Variants in RAPGEFL1 observed in about 807,000 individuals in gnomAD.
RAPGEFL1 encodes rap guanine nucleotide exchange factor-like 1.
In RAPGEFL1, 31 loss-of-function variants were observed where a neutral mutation model predicts 64.4. That is an observed-to-expected ratio of 0.48 (90% CI 0.36 to 0.65). The LOEUF (loss-of-function observed/expected upper bound fraction) is 0.65. RAPGEFL1 is among the 30% of genes least tolerant of loss of function. The probability of loss-of-function intolerance (pLI) is 0.00; values close to 1 mark genes in which losing one functional copy is unlikely to be tolerated. For missense variants in RAPGEFL1, 682 were observed against 677.4 expected (o/e 1.01, Z -0.08); for synonymous variants, 331 against 274.1 (o/e 1.21, Z -2.05).
At position 40,177,885 on chromosome 17, in the gene RAPGEFL1, G is replaced by A. The variant is rs914747263; in HGVS notation, c.24G>A (p.Leu8=). MKPLEKF[L]KKQTSQLAGR... The stretch of plus-strand genomic sequence containing the variant: ...GCATGAAGCCGCTGGAGAAATTTCT[G>A]AAGAAGCAGACGTCGCAGCTGGCGG... Residue 8 remains leucine (L), a synonymous_variant, in exon 1 of 15, where the codon CTG becomes CTA. Transcript: ENST00000620260. The A allele has an allele frequency of 2.8e-4, 118 of 428,378 alleles. No individual in the cohort carries two copies. The Middle Eastern group carries it at 4.7e-3, about 17-fold the overall frequency. 26.5% of individuals were successfully genotyped at this position (428,378 alleles called of 1,614,324 possible).
Position 40,189,334 on chromosome 17 carries a change from G to T in RAPGEFL1, c.1073G>T (p.Arg358Leu), listed in dbSNP as rs145549366. 3.7e-6 allele frequency: 6 copies of T among 1,614,188 alleles called. No individual in the cohort carries two copies. Among genetic ancestry groups the T allele is most frequent in the Non-Finnish European group, 4.2e-6 (5 of 1,180,034 alleles). Reference sequence around the variant, plus strand: ...CAATATTCAGAGGAGCCCGCGGGGCGTGAGGATTCCCTCATCCTGGTAGCT... The same window carrying T: ...CAATATTCAGAGGAGCCCGCGGGGCTTGAGGATTCCCTCATCCTGGTAGCT... The part of the protein sequence containing the change: ...KLQYSEEPAG[R>L]EDSLILVAVS... Residue 358 changes from arginine (R) to leucine (L), a missense_variant, in exon 6 of 15, where the codon CGT becomes CTT. This residue lies in a region of RAPGEFL1 where 411 missense variants were observed against 519.4 expected (regional missense o/e 0.79). Transcript: ENST00000620260.
chr17:40,177,794 G>GC lies in RAPGEFL1; in HGVS notation c.-60dup, dbSNP rs907449924. On this transcript the variant is annotated 5_prime_UTR_variant, in exon 1 of 15. Transcript: ENST00000620260. Reference sequence around the variant, plus strand: ...CAGCTCTGAGCATCGTGTCTTCGCCGCCCCCCCCGCCCGCGCCTGGGATAC... The same window carrying GC: ...CAGCTCTGAGCATCGTGTCTTCGCCGCCCCCCCCCGCCCGCGCCTGGGATAC... 667 of 407,616 alleles carry GC rather than the reference G, an allele frequency of 1.6e-3. 2 individuals carry two copies. The highest frequency in any genetic ancestry group is 2.7e-3 in the Middle Eastern group (5 of 1,830). 25.2% of individuals were successfully genotyped at this position (407,616 alleles called of 1,614,324 possible).
At chr17:40,188,140 C>G (rs1238345933) in intron 4 of RAPGEFL1, among the ~76,000 whole-genome samples, 1 of 151,954 alleles carries the variant, frequency 6.6e-6, no homozygotes, top group Non-Finnish European at 1.5e-5. Flanking sequence ...GTCTTGAACT[C>G]CTGGCCTCAA....
upstream of RAPGEFL1, chr17:40,177,092 C>A: frequency 1.4e-6 from 1 of 702,540 alleles, no homozygotes; most frequent in South Asian, 1.5e-5. Flanking sequence ...CAGCTCTTCT[C>A]ACAGAAGGAA....
At position 40,193,695 on chromosome 17, in the gene RAPGEFL1, G is replaced by A. The variant is rs760908576; in HGVS notation, c.1896G>A (p.Leu632=). The A allele has an allele frequency of 6.2e-7, 1 of 1,614,054 alleles. No homozygotes were observed. The highest frequency in any genetic ancestry group is 1.3e-5 in the African/African-American group (1 of 74,990). Reference sequence around the variant, plus strand: ...ACATGGAGGCATCCCCCAATCACCTGCAGACCAAGGCCTATGTGCGCCAGT... The same window carrying A: ...ACATGGAGGCATCCCCCAATCACCTACAGACCAAGGCCTATGTGCGCCAGT... ...CLDMEASPNH[L]QTKAYVRQFQ... is the part of the protein sequence containing the mutation. The change falls in exon 15 of 15, where the codon CTG becomes CTA. Residue 632 remains leucine (L), a synonymous_variant. Transcript: ENST00000620260.
In RAPGEFL1 at chr17:40,192,194, C is replaced by A. The variant is rs199578358; in HGVS notation, c.1606-19C>A. 1.9e-6 allele frequency: 3 copies of A among 1,612,058 alleles called. No individual in the cohort carries two copies. Among genetic ancestry groups the A allele is most frequent in the Non-Finnish European group, 2.5e-6 (3 of 1,178,134 alleles). ...GAGCTCCACTCTGATATCCCTTCTC[C>A]TTCCTTCAAACTCTGCAGAAGCTGC... On this transcript the variant is annotated intron_variant, in intron 10 of 14. Transcript: ENST00000620260.
Position 40,191,540 on chromosome 17 carries a change from C to A in RAPGEFL1, c.1515-42C>A, listed in dbSNP as rs369138932. Reference sequence around the variant, plus strand: ...GATGGGGGGCCGGAGGCCGGAGGCCCGCGCCGCCGCCCGCCCCTGACCCCG... The same window carrying A: ...GATGGGGGGCCGGAGGCCGGAGGCCAGCGCCGCCGCCCGCCCCTGACCCCG... On this transcript the variant is annotated intron_variant, in intron 9 of 14. Transcript: ENST00000620260. The surrounding 1 kb of genome is among the most constrained non-coding windows in gnomAD (Gnocchi z 5.1). The A allele has an allele frequency of 9.0e-6, 14 of 1,558,074 alleles. No individual in the cohort carries two copies. In the African/African-American group the frequency reaches 1.8e-4, roughly 20 times the overall value.
At position 40,178,075 on chromosome 17, in the gene RAPGEFL1, C is replaced by CCTTT; in HGVS notation, c.215_216insTTTC (p.Ala73PhefsTer11). ...GCTCCCCGCTTTCCTCCGGGAGCCC[C>CCTTT]CCGCCGAGCCGGGGCTGGAGCCGCC... On this transcript the variant is annotated frameshift_variant, in exon 1 of 15. Coordinates refer to ENST00000620260, the MANE Select transcript of RAPGEFL1 (RefSeq NM_016339.6). LOFTEE classifies it high-confidence loss of function. 1.7e-6 allele frequency: 1 copy of CCTTT among 604,888 alleles called. No homozygotes were observed. Among genetic ancestry groups the CCTTT allele is most frequent in the Non-Finnish European group, 2.9e-6 (1 of 342,062 alleles). The allele number at this position is 604,888 out of a possible 1,614,324, so 37.5% of individuals were successfully genotyped here.
chr17:40,193,906 G>C lies in RAPGEFL1; in HGVS notation c.*118G>C. 7.3e-7 allele frequency: 1 copy of C among 1,376,826 alleles called. No individual in the cohort carries two copies. The highest frequency in any genetic ancestry group is 9.8e-7 in the Non-Finnish European group (1 of 1,016,194). 85.3% of individuals were successfully genotyped at this position (1,376,826 alleles called of 1,614,324 possible). ...CGTGGAGCAACTTCCTGCTCCACGG[G>C]AAAGAGGTCGATGGATTTACCCCTG... On this transcript the variant is annotated 3_prime_UTR_variant, in exon 15 of 15. Transcript: ENST00000620260.
rs781532097 is a variant in RAPGEFL1, at chr17:40,190,475, G to T, written c.1156G>T (p.Ala386Ser). The stretch of plus-strand genomic sequence containing the variant: ...GCCCACTGAGGACTGTGTTTTCACC[G>T]CACTGGGCATCAACAGCCACCTGTT... Reference protein sequence around the residue: ...LQPTEDCVFTALGINSHLFAC... With the variant: ...LQPTEDCVFTSLGINSHLFAC... Residue 386 changes from alanine to serine, a missense_variant, in exon 7 of 15, where the codon GCA becomes TCA. By Grantham distance (99) the Ala-to-Ser change is moderately conservative. Coordinates refer to ENST00000620260, the MANE Select transcript of RAPGEFL1 (RefSeq NM_016339.6). 20 of 1,614,120 alleles carry T rather than the reference G, an allele frequency of 1.2e-5. No individual in the cohort carries two copies. Among genetic ancestry groups the T allele is most frequent in the East Asian group, 2.2e-5 (1 of 44,876 alleles).
chr17:40,177,433 G>A, upstream of RAPGEFL1: 1 of 663,632 alleles, frequency 1.5e-6, no homozygotes, highest in Non-Finnish European at 2.7e-6. Flanking sequence ...GGGACTGGGC[G>A]GGGACTGGAG....
intron 1 of RAPGEFL1, among the ~76,000 whole-genome samples, chr17:40,178,780 C>T (rs1989804726): frequency 6.6e-6 from 1 of 152,236 alleles, no homozygotes; most frequent in Non-Finnish European, 1.5e-5. Flanking sequence ...TGCTTTAGCC[C>T]TGAAAACCCT....
upstream of RAPGEFL1, chr17:40,177,412 G>A: frequency 2.9e-6 from 2 of 690,504 alleles, no homozygotes; most frequent in East Asian, 2.7e-5. Flanking sequence ...AGCCGAGGAA[G>A]GGTAGGGGCG....
At chr17:40,181,505 A>G in intron 1 of RAPGEFL1, 111 bp from the exon 2 acceptor site, 2 of 669,000 alleles carry the variant, frequency 3.0e-6, no homozygotes, top group Non-Finnish European at 5.5e-6. Context: ...CTGGGGCTCC[A>G]GCCTGGCTAA....
intron 14 of RAPGEFL1, 123 bp downstream of exon 14, chr17:40,193,540 G>A (rs1314108137): frequency 2.5e-6 from 4 of 1,578,510 alleles, no homozygotes; most frequent in Non-Finnish European, 3.5e-6. Flanking sequence ...TTCTCTCCTT[G>A]CCTCTGCAGA....
Position 40,186,294 on chromosome 17 carries a change from C to T in RAPGEFL1, c.833+1616C>T, listed in dbSNP as rs1190976596. Among the ~76,000 whole-genome samples, 17 of 140,058 alleles carry T rather than the reference C, an allele frequency of 1.2e-4. 1 individual carries two copies. The East Asian group carries it at 2.1e-3, about 17-fold the overall frequency. The allele number at this position is 140,058 out of a possible 152,430, so 91.9% of individuals were successfully genotyped here. ...TCTCAAAAAAAAAAAAAAGGCCGGG[C>T]GCGGTGGCTCACGCCTGTAATCCCA... On this transcript the variant is annotated intron_variant, in intron 4 of 14. Coordinates refer to ENST00000620260, the MANE Select transcript of RAPGEFL1 (RefSeq NM_016339.6).
intron 1 of RAPGEFL1, 162 bp from the exon 2 acceptor site, chr17:40,181,454 A>C (rs1989891921): frequency 6.1e-6 from 4 of 656,106 alleles, no homozygotes; most frequent in Non-Finnish European, 1.1e-5. Flanking sequence ...ACCTTTACAC[A>C]TGTATGTGTG....
upstream of RAPGEFL1, chr17:40,177,039 C>T (rs1379262434): frequency 5.7e-6 from 4 of 701,488 alleles, no homozygotes; most frequent in South Asian, 4.4e-5. Flanking sequence ...GACAGATGGG[C>T]ACCGCCTCCA....
At chr17:40,192,075 C>T in intron 10 of RAPGEFL1, 138 bp from the exon 11 acceptor site, 1 of 763,936 alleles carries the variant, frequency 1.3e-6, no homozygotes, top group Non-Finnish European at 2.3e-6. Context: ...GACTTCATTT[C>T]CCCACCCACC....
Sources: allele counts gnomAD v4.1 joint callset (sites outside exome capture counted in the v4.1 genomes callset), GRCh38; gene constraint gnomAD v4.1.1; regional missense constraint gnomAD v4.1.1; non-coding constraint Gnocchi (gnomAD v3.1); transcripts MANE v1.5; gene names NCBI Gene and HGNC (gene_info 2026-07-23, HGNC 2026-07-21).